The following PPL variants were observed in gnomAD, a reference collection of about 807,000 sequenced individuals.
The protein encoded by PPL is periplakin.
Under a neutral mutation model 194.4 loss-of-function variants are expected in PPL, and 198 were observed. That is an observed-to-expected ratio of 1.02 (90% CI 0.91 to 1.15). PPL has a LOEUF of 1.15. Among genes scored for constraint, PPL ranks in the 50% most tolerant of loss-of-function variants. The pLI, the probability that PPL is intolerant of heterozygous loss-of-function variation, is 0.00. For missense variants in PPL, 2,885 were observed against 2,294.8 expected, an observed-to-expected ratio of 1.26 and a Z score of -5.25; for synonymous variants, 1,220 against 972.4, an observed-to-expected ratio of 1.25 and a Z score of -4.74.
At chr16:4,930,368 G>C (rs1158918180) in intron 1 of PPL, among the ~76,000 whole-genome samples, 1 of 152,158 alleles carries the variant, frequency 6.6e-6, no homozygotes, top group African/African-American at 2.4e-5. Flanking sequence ...CAGGGCAGGG[G>C]GCAGCCTGCT....
rs751702550 is a variant in PPL, at chr16:4,900,994, G to T, written c.534C>A (p.Ile178=). The change falls in exon 5 of 22, where the codon ATC becomes ATA. Residue 178 remains isoleucine, a synonymous_variant. Transcript: ENST00000345988. ...CCCCGTCCTTGGCCAGGTGGGGCCC[G>T]ATGGCCTTGACCTCATTGTGGAAGA... The part of the protein sequence containing the change: ...HNIFHNEVKA[I]GPHLAKDGDK... 2.5e-6 allele frequency: 4 copies of T among 1,614,154 alleles called. No individual in the cohort carries two copies. In the South Asian group the frequency reaches 4.4e-5, roughly 18 times the overall value.
At chr16:4,890,665 C>T in intron 17 of PPL, 63 bp downstream of exon 17, 1 of 1,515,780 alleles carries the variant, frequency 6.6e-7, no homozygotes, top group Non-Finnish European at 8.9e-7. Flanking sequence ...TAAAGCATTG[C>T]TTAGAGGGAA....
At chr16:4,897,535 G>T in intron 9 of PPL, 140 bp downstream of exon 9, 2 of 632,506 alleles carry the variant, frequency 3.2e-6, no homozygotes, top group East Asian at 2.8e-5. Context: ...CAGAAGCATG[G>T]GTGCTGGGGG....
At chr16:4,933,282 T>G (rs1341593700) in intron 1 of PPL, among the ~76,000 whole-genome samples, 1 of 152,274 alleles carries the variant, frequency 6.6e-6, no homozygotes, top group South Asian at 2.1e-4. Context: ...CTGCCTCCCA[T>G]GCAGGAGCGC....
At chr16:4,935,114 CA>C (rs1177774610) in intron 1 of PPL, among the ~76,000 whole-genome samples, 6 of 152,194 alleles carry the variant, frequency 3.9e-5, no homozygotes, top group Non-Finnish European at 7.3e-5. Context: ...GCCAGATATA[CA>C]GAGAGTGGCA....
In PPL at chr16:4,895,651, C is replaced by G. The variant is rs994218684; in HGVS notation, c.1038G>C (p.Lys346Asn). The change falls in exon 10 of 22, where the codon AAG (lysine) becomes AAC (asparagine). Residue 346 changes from lysine to asparagine, a missense_variant. Lys to Asn is a moderately conservative substitution (Grantham distance 94). Transcript: ENST00000345988. Reference sequence around the variant, plus strand: ...ACCGGTCCTTGAAGTCAGGGCCATACTTCTGGTTCAGGTCCGAGTCCACCT... The same window carrying G: ...ACCGGTCCTTGAAGTCAGGGCCATAGTTCTGGTTCAGGTCCGAGTCCACCT... ...LRKVDSDLNQKYGPDFKDRYQ... is the reference protein window; with the variant it reads ...LRKVDSDLNQNYGPDFKDRYQ... 17 of 1,613,952 alleles carry G rather than the reference C, an allele frequency of 1.1e-5. No homozygotes were observed. The highest frequency in any genetic ancestry group is 1.4e-5 in the Non-Finnish European group (16 of 1,180,014).
chr16:4,892,265 C>T (rs1308619423), intron 14 of PPL, 52 bp from the exon 15 acceptor site: 2 of 1,566,932 alleles, frequency 1.3e-6, no homozygotes, highest in Non-Finnish European at 1.7e-6. Context: ...AGCCCCTTCC[C>T]CTGAGGATGT....
Position 4,890,285 on chromosome 16 carries a change from C to T in PPL, c.2212G>A (p.Gly738Ser), listed in dbSNP as rs765551088. 5.0e-5 allele frequency: 81 copies of T among 1,614,046 alleles called. No individual in the cohort carries two copies. The highest frequency in any genetic ancestry group is 1.6e-4 in the Middle Eastern group (1 of 6,064). The change falls in exon 18 of 22, where the codon GGC becomes AGC. Residue 738 changes from glycine (G) to serine (S), a missense_variant. By Grantham distance (56) the Gly-to-Ser change is moderately conservative. Coordinates refer to ENST00000345988, the MANE Select transcript of PPL (RefSeq NM_002705.5). The part of the protein sequence containing the change: ...AKAAYEHFHR[G>S]HDHVLQFLVS... Reference sequence around the variant, plus strand: ...AGGAACTGCAGCACGTGGTCATGGCCGCGGTGGAAGTGCTCGTAGGCTGCC... The same window carrying T: ...AGGAACTGCAGCACGTGGTCATGGCTGCGGTGGAAGTGCTCGTAGGCTGCC...
chr16:4,900,434 C>CTTTTTTTTTTTTTTTTTTTTTTTTTT (rs1217002366), intron 6 of PPL, among the ~76,000 whole-genome samples: 1 of 61,678 alleles, frequency 1.6e-5, no homozygotes, highest in Non-Finnish European at 3.1e-5. Flanking sequence ...TACTGCACGC[C>CTTTTTTTTTTTTTTTTTTTTTTTTTT]TTTTTTTTTT....
chr16:4,890,480 G>A (rs1357078212), intron 17 of PPL, 146 bp from the exon 18 acceptor site: 5 of 1,162,892 alleles, frequency 4.3e-6, no homozygotes, highest in East Asian at 2.6e-5. Context: ...GGTCATTAGG[G>A]AACGTCAGGT....
chr16:4,884,213 T>G lies in PPL; in HGVS notation c.4442A>C (p.Glu1481Ala). 1 of 1,613,898 alleles carries G rather than the reference T, an allele frequency of 6.2e-7. No homozygotes were observed. The highest frequency in any genetic ancestry group is 8.5e-7 in the Non-Finnish European group (1 of 1,180,006). The change falls in exon 22 of 22, where the codon GAG becomes GCG. Residue 1481 changes from glutamate to alanine, a missense_variant. Glu to Ala is a moderately radical substitution (Grantham distance 107). Transcript: ENST00000345988. This position sits in a 1 kb window ranked among gnomAD's most constrained non-coding sequence, Gnocchi z 5.7. ...HRRQLLEGEL[E>A]TLRRKLAALE... ...TGCAGCCAGTTTCCTCCGGAGGGTC[T>G]CGAGCTCCCCCTCCAGGAGCTGCCG...
chr16:4,883,914 T>G lies in PPL; in HGVS notation c.4741A>C (p.Arg1581=), dbSNP rs1313025518. 1.2e-6 allele frequency: 2 copies of G among 1,613,982 alleles called. No individual in the cohort carries two copies. The highest frequency in any genetic ancestry group is 2.2e-5 in the South Asian group (2 of 91,076). Residue 1581 remains arginine, a synonymous_variant, in exon 22 of 22, where the codon AGG becomes CGG. Transcript: ENST00000345988. The surrounding 1 kb of genome is among the most constrained non-coding windows in gnomAD (Gnocchi z 4.8). ...ERQNLQLETR[R]LQSEINMAAT... ...GCCATGTTGATTTCCGATTGGAGCC[T>G]TCGGGTCTCCAGCTGCAGGTTTTGC...
chr16:4,897,332 C>CAAAA (rs57191109), intron 9 of PPL, among the ~76,000 whole-genome samples: 8 of 53,400 alleles, frequency 1.5e-4, no homozygotes, highest in African/African-American at 3.5e-4. Context: ...AAGACTCTCT[C>CAAAA]AAAAAAAAAA....
chr16:4,901,152 A>AT, intron 4 of PPL, 63 bp from the exon 5 acceptor site: 1 of 1,575,636 alleles, frequency 6.3e-7, no homozygotes, highest in Admixed American at 1.8e-5. Context: ...ACGTGTGGCC[A>AT]CCCCAGGAGC....
chr16:4,890,987 C>T (rs917141530), intron 16 of PPL, 66 bp from the exon 17 acceptor site: 30 of 1,382,128 alleles, frequency 2.2e-5, no homozygotes, highest in Non-Finnish European at 2.7e-5. Flanking sequence ...CGATGACACC[C>T]ACTGAAGCCC....
chr16:4,925,649 G>A (rs12447261), intron 1 of PPL, among the ~76,000 whole-genome samples: 5 of 152,140 alleles, frequency 3.3e-5, no homozygotes, highest in Admixed American at 2.0e-4. Flanking sequence ...AATGCAATTC[G>A]GTAACTCTTA....
chr16:4,909,927 C>T (rs2088785280), intron 2 of PPL, among the ~76,000 whole-genome samples: 1 of 152,154 alleles, frequency 6.6e-6, no homozygotes, highest in Non-Finnish European at 1.5e-5. Context: ...ATTTTATTTG[C>T]TAAATCTGGT....
At chr16:4,886,527 A>G (rs1318785831) in intron 21 of PPL, among the ~76,000 whole-genome samples, 1 of 152,262 alleles carries the variant, frequency 6.6e-6, no homozygotes. Context: ...CCCATTGCTG[A>G]TGAAGAGTGA....
At chr16:4,914,976 G>A (rs949782106) in intron 1 of PPL, among the ~76,000 whole-genome samples, 2 of 152,182 alleles carry the variant, frequency 1.3e-5, no homozygotes, top group East Asian at 1.9e-4. Flanking sequence ...TAGAGGCGGT[G>A]AGTCTCACCC....
Sources: allele counts gnomAD v4.1 joint callset (sites outside exome capture counted in the v4.1 genomes callset), GRCh38; gene constraint gnomAD v4.1.1; non-coding constraint Gnocchi (gnomAD v3.1); transcripts MANE v1.5; gene names NCBI Gene and HGNC (gene_info 2026-07-23, HGNC 2026-07-21).